The following CEP290 variants were observed in gnomAD, a reference collection of about 807,000 sequenced individuals.
CEP290 encodes centrosomal protein of 290 kDa.
Under a neutral mutation model 344.9 loss-of-function variants are expected in CEP290, and 317 were observed. The ratio of observed to expected loss-of-function variants is 0.92; its 90% CI spans 0.84 to 1.01. The LOEUF (loss-of-function observed/expected upper bound fraction) is 1.01, where lower values mean the gene tolerates loss of function less well. Ranked by LOEUF, CEP290 falls within the 50% of genes least tolerant of loss-of-function variation. The pLI is 0.00. For missense variants in CEP290, 2,754 were observed against 2,761.4 expected (o/e 1.00, Z 0.06); for synonymous variants, 932 against 895.8 (o/e 1.04, Z -0.72).
Position 88,120,172 on chromosome 12 carries a change from T to A in CEP290, c.1464A>T (p.Lys488Asn), listed in dbSNP as rs747644093. 1 of 1,534,632 alleles carries A rather than the reference T, an allele frequency of 6.5e-7. No individual in the cohort carries two copies. Among genetic ancestry groups the A allele is most frequent in the Non-Finnish European group, 8.8e-7 (1 of 1,137,916 alleles). ...EIEILTKEIN[K>N]LELKISDFLD... ...GGAAATCACTGATCTTCAATTCAAG[T>A]TTATTGATTTCCTTTGTTAATATTT... Residue 488 changes from lysine (K) to asparagine (N), a missense_variant, in exon 15 of 54, where the codon AAA (lysine) becomes AAT (asparagine). Transcript: ENST00000552810.
chr12:88,111,967 A>G, intron 20 of CEP290, 109 bp from the exon 21 acceptor site: 1 of 705,382 alleles, frequency 1.4e-6, no homozygotes, highest in Non-Finnish European at 2.1e-6. Context: ...TCCTATTTTC[A>G]TTGCCAAGCA....
chr12:88,063,425 T>G (rs1023232319), intron 45 of CEP290, among the ~76,000 whole-genome samples: 4 of 152,098 alleles, frequency 2.6e-5, no homozygotes, highest in Admixed American at 2.6e-4. Context: ...AAATTATTCT[T>G]ATATTTTACA....
At chr12:88,059,085 A>G (rs1204137507) in intron 48 of CEP290, 65 bp from the exon 49 acceptor site, 2 of 1,289,800 alleles carry the variant, frequency 1.6e-6, no homozygotes, top group East Asian at 2.5e-5. Flanking sequence ...GATTCAGTGT[A>G]TTCAAAATTA....
In CEP290 at chr12:88,049,201, TAAC is replaced by T. The variant is rs755529427; in HGVS notation, c.7420_7422del (p.Val2474del). The T allele has an allele frequency of 1.3e-6, 2 of 1,593,148 alleles. No individual in the cohort carries two copies. On this transcript the variant is annotated inframe_deletion, in exon 54 of 54. Transcript: ENST00000552810. ...GGTGACCTTTAGTAAATGGGGAAAT[TAAC>T]AGGACTTTCTTCTTCATCTTCAAAC...
At chr12:88,099,515 A>G (rs528439922) in intron 26 of CEP290, among the ~76,000 whole-genome samples, 1 of 152,290 alleles carries the variant, frequency 6.6e-6, no homozygotes, top group Admixed American at 6.5e-5. Context: ...ACTCTAAGCA[A>G]TGGATTTCAG....
At position 88,118,590 on chromosome 12, in the gene CEP290, A is replaced by T; in HGVS notation, c.1624-20T>A. The T allele has an allele frequency of 6.2e-7, 1 of 1,608,594 alleles. No individual in the cohort carries two copies. The highest frequency in any genetic ancestry group is 8.5e-7 in the Non-Finnish European group (1 of 1,176,046). ...TTCAATCTGCAAAGTATAAATTATT[A>T]GTATTTCTCTATAGTTCAGCCAAGA... is the stretch of plus-strand genomic sequence containing the variant. On this transcript the variant is annotated intron_variant, in intron 16 of 53. Transcript: ENST00000552810.
At chr12:88,123,826 ACATG>A (rs2039565542) in intron 13 of CEP290, among the ~76,000 whole-genome samples, 2 of 151,932 alleles carry the variant, frequency 1.3e-5, no homozygotes, top group African/African-American at 4.8e-5. Context: ...CTCAAACCTA[ACATG>A]TCTAAAATTA....
chr12:88,069,103 C>T (rs1312849188), intron 43 of CEP290, among the ~76,000 whole-genome samples: 2 of 152,094 alleles, frequency 1.3e-5, no homozygotes, highest in East Asian at 1.9e-4. Flanking sequence ...TCCACTTGAC[C>T]TACAAGACCC....
chr12:88,103,096 T>A, intron 25 of CEP290, 85 bp from the exon 26 acceptor site: 1 of 759,218 alleles, frequency 1.3e-6, no homozygotes, highest in Non-Finnish European at 1.9e-6. Flanking sequence ...ATAATACAAC[T>A]TAAAGTAAAA....
Position 88,133,403 on chromosome 12 carries a change from T to C in CEP290, c.442-2185A>G, listed in dbSNP as rs139313078. On this transcript the variant is annotated intron_variant, in intron 6 of 53. Transcript: ENST00000552810. ...CGCTTGACCTCTCATTCTCTTTTGA[T>C]GGCTGCATAGTATTCTATGATGTAT... 3.2e-3 allele frequency among the ~76,000 whole-genome samples: 494 copies of C among 152,258 alleles called. 5 individuals are homozygous for C. The highest frequency in any genetic ancestry group is 0.011 in the African/African-American group (474 of 41,542).
intron 20 of CEP290, among the ~76,000 whole-genome samples, chr12:88,113,241 C>G (rs1040966297): frequency 9.9e-5 from 15 of 151,974 alleles, no homozygotes; most frequent in African/African-American, 3.4e-4. Flanking sequence ...AGTAGAGCTG[C>G]CCTTGGAAAA....
At chr12:88,113,705 T>G (rs2137762912) in intron 20 of CEP290, among the ~76,000 whole-genome samples, 2 of 152,118 alleles carry the variant, frequency 1.3e-5, no homozygotes, top group African/African-American at 4.8e-5. Context: ...ATACAGATAC[T>G]GAATCCTGTG....
rs934484616 is a variant in CEP290, at chr12:88,077,445, C to G, written c.5587-101G>C. The G allele has an allele frequency of 9.9e-6, 8 of 809,900 alleles. No homozygotes were observed. The African/African-American group carries it at 1.4e-4, about 14-fold the overall frequency. 50.2% of individuals were successfully genotyped at this position (809,900 alleles called of 1,614,324 possible). ...TAATAGCAACTTTCTGAAGCTATCA[C>G]TGACCATACTTTCTAAATGACACTT... On this transcript the variant is annotated intron_variant, in intron 40 of 53. Transcript: ENST00000552810.
chr12:88,107,824 C>G (rs1403426173), intron 23 of CEP290, among the ~76,000 whole-genome samples: 1 of 151,614 alleles, frequency 6.6e-6, no homozygotes, highest in Non-Finnish European at 1.5e-5. Flanking sequence ...ATAACTTGGA[C>G]CCAGGAGGCA....
intron 21 of CEP290, 72 bp downstream of exon 21, chr12:88,111,622 A>G: frequency 7.6e-7 from 1 of 1,320,138 alleles, no homozygotes; most frequent in Non-Finnish European, 1.0e-6. Context: ...ATTCTTTTTA[A>G]AAAATTAAAA....
At chr12:88,115,035 A>C in intron 19 of CEP290, 63 bp downstream of exon 19, 1 of 826,342 alleles carries the variant, frequency 1.2e-6, no homozygotes, top group Middle Eastern at 2.3e-4. Flanking sequence ...ACGCCCTTTT[A>C]GGCCCATGAT....
chr12:88,063,364 A>G (rs1429647607), intron 45 of CEP290, among the ~76,000 whole-genome samples: 7 of 152,118 alleles, frequency 4.6e-5, no homozygotes, highest in Non-Finnish European at 1.0e-4. Flanking sequence ...AAAACCAAAG[A>G]TTAAAAAATC....
chr12:88,073,528 T>C (rs148709506), intron 41 of CEP290, among the ~76,000 whole-genome samples: 5 of 152,314 alleles, frequency 3.3e-5, no homozygotes, highest in East Asian at 3.9e-4. Flanking sequence ...TGTAAGTAGG[T>C]AGAGTTTATG....
chr12:88,117,505 G>C (rs1424110631), intron 17 of CEP290, among the ~76,000 whole-genome samples: 1 of 152,080 alleles, frequency 6.6e-6, no homozygotes, highest in East Asian at 1.9e-4. Context: ...TCTTGAGAAA[G>C]TTTTGGATGT....
Sources: allele counts gnomAD v4.1 joint callset (sites outside exome capture counted in the v4.1 genomes callset), GRCh38; gene constraint gnomAD v4.1.1; transcripts MANE v1.5; gene names NCBI Gene and HGNC (gene_info 2026-07-23, HGNC 2026-07-21).